CHN1: variants seen among roughly 807,000 people sequenced by gnomAD.
CHN1 encodes chimerin 1.
Under a neutral mutation model 59.5 loss-of-function variants are expected in CHN1, and 37 were observed. The ratio of observed to expected loss-of-function variants is 0.62; its 90% CI spans 0.48 to 0.82. The LOEUF (loss-of-function observed/expected upper bound fraction) is 0.82, where lower values mean the gene tolerates loss of function less well. CHN1 is among the 40% of genes least tolerant of loss of function. CHN1 has a pLI of 0.00. For missense variants in CHN1, 469 were observed against 571.0 expected (o/e 0.82, Z 1.82); for synonymous variants, 206 against 200.4 (o/e 1.03, Z -0.24).
chr2:175,001,415 C>G (rs530215151), intron 1 of CHN1, among the ~76,000 whole-genome samples: 1 of 152,150 alleles, frequency 6.6e-6, no homozygotes, highest in African/African-American at 2.4e-5. Context: ...TATGCCATTG[C>G]TATTTAATTG....
intron 11 of CHN1, among the ~76,000 whole-genome samples, chr2:174,802,473 G>C (rs1684757550): frequency 6.6e-6 from 1 of 152,184 alleles, no homozygotes; most frequent in South Asian, 2.1e-4. Context: ...GACTTTGAAG[G>C]CACTTCCAAA....
At chr2:174,975,655 C>CG (rs1434145869) in intron 1 of CHN1, among the ~76,000 whole-genome samples, 1 of 125,124 alleles carries the variant, frequency 8.0e-6, no homozygotes, top group African/African-American at 3.1e-5. Context: ...ACAAAACAAA[C>CG]AAAAAAAAAA....
chr2:174,920,606 C>T lies in CHN1; in HGVS notation c.115-2041G>A, dbSNP rs116658606. Among the ~76,000 whole-genome samples the T allele has an allele frequency of 5.7e-3, 875 of 152,222 alleles. 7 individuals carry two copies. Among genetic ancestry groups the T allele is most frequent in the African/African-American group, 0.016 (660 of 41,516 alleles). On this transcript the variant is annotated intron_variant, in intron 3 of 12. Transcript: ENST00000409900. ...CTTAGTTCTGCATACAGCTTGAGTG[C>T]CAATATCAAGTCTGATACTGTTTTC...
intron 1 of CHN1, among the ~76,000 whole-genome samples, chr2:174,999,578 C>A (rs1361441655): frequency 6.6e-6 from 1 of 152,036 alleles, no homozygotes; most frequent in African/African-American, 2.4e-5. Flanking sequence ...AAAGCATGAC[C>A]AAACAGTATT....
In CHN1 at chr2:174,898,583, G is replaced by A. The variant is rs550576193; in HGVS notation, c.260+16475C>T. 9.9e-5 allele frequency among the ~76,000 whole-genome samples: 15 copies of A among 152,262 alleles called. No individual in the cohort carries two copies. The East Asian group carries it at 1.7e-3, about 18-fold the overall frequency. On this transcript the variant is annotated intron_variant, in intron 5 of 12. Transcript: ENST00000409900. ...CGCGCCACTGCACTCCAGCCTGGGC[G>A]ACAGAGCGAGACTCCGTCTCAAAAA... is the stretch of plus-strand genomic sequence containing the variant.
intron 5 of CHN1, among the ~76,000 whole-genome samples, chr2:174,894,785 T>C (rs1291975977): frequency 2.6e-5 from 4 of 152,066 alleles, no homozygotes; most frequent in Non-Finnish European, 4.4e-5. Context: ...ATACATGGTT[T>C]CGTTTTCTGT....
chr2:174,992,605 T>C (rs2105464602), intron 1 of CHN1, among the ~76,000 whole-genome samples: 1 of 152,336 alleles, frequency 6.6e-6, no homozygotes. Flanking sequence ...GCACTTCCAG[T>C]TGATCAGAAG....
chr2:174,876,856 C>T (rs1687579666), intron 6 of CHN1, among the ~76,000 whole-genome samples: 1 of 152,172 alleles, frequency 6.6e-6, no homozygotes, highest in Admixed American at 6.5e-5. Context: ...ATCTCACTCA[C>T]TCCTCACAGC....
chr2:174,823,529 G>A (rs1305703981), intron 8 of CHN1, among the ~76,000 whole-genome samples: 1 of 152,062 alleles, frequency 6.6e-6, no homozygotes, highest in East Asian at 1.9e-4. Context: ...TGGGTGTGGT[G>A]GCGGGCACCT....
At chr2:174,849,958 T>C (rs1686674687) in intron 6 of CHN1, among the ~76,000 whole-genome samples, 2 of 152,190 alleles carry the variant, frequency 1.3e-5, no homozygotes, top group South Asian at 4.1e-4. Context: ...CTTCTTTCAA[T>C]TTTGAGGAGT....
At chr2:174,839,261 T>C (rs1450001574) in intron 7 of CHN1, among the ~76,000 whole-genome samples, 3 of 152,150 alleles carry the variant, frequency 2.0e-5, no homozygotes, top group African/African-American at 4.8e-5. Context: ...GAGGTGACTT[T>C]TAAAAATTGC....
chr2:174,878,131 G>T lies in CHN1; in HGVS notation c.261-3C>A, dbSNP rs1687628261. Reference sequence around the variant, plus strand: ...AGTTTCTGGTTTGACTTCCAAATCTGCCTCAATGAAATGGGAAAGATGTTT... The same window carrying T: ...AGTTTCTGGTTTGACTTCCAAATCTTCCTCAATGAAATGGGAAAGATGTTT... On this transcript the variant is annotated splice_region_variant and splice_polypyrimidine_tract_variant and intron_variant, in intron 5 of 12. Coordinates refer to ENST00000409900, the MANE Select transcript of CHN1 (RefSeq NM_001822.7). 4.0e-6 allele frequency: 6 copies of T among 1,510,264 alleles called. No individual in the cohort carries two copies. Among genetic ancestry groups the T allele is most frequent in the Non-Finnish European group, 5.3e-6 (6 of 1,122,562 alleles). 93.6% of individuals were successfully genotyped at this position (1,510,264 alleles called of 1,614,324 possible).
intron 3 of CHN1, among the ~76,000 whole-genome samples, chr2:174,919,338 C>G (rs937597965): frequency 5.3e-5 from 8 of 152,038 alleles, no homozygotes; most frequent in Non-Finnish European, 1.0e-4. Context: ...AGCTGAGGTA[C>G]TTATTAAGCT....
intron 5 of CHN1, 59 bp from the exon 6 acceptor site, chr2:174,878,187 G>T (rs376958638): frequency 7.6e-7 from 1 of 1,310,390 alleles, no homozygotes; most frequent in Non-Finnish European, 1.0e-6. Context: ...AATTCTTTCT[G>T]AAAAAAAAAC....
chr2:174,885,009 C>T (rs767404653), intron 5 of CHN1, among the ~76,000 whole-genome samples: 5 of 151,890 alleles, frequency 3.3e-5, no homozygotes, highest in South Asian at 2.1e-4. Context: ...AGAAATTAGC[C>T]GGGCGCGGTG....
intron 11 of CHN1, among the ~76,000 whole-genome samples, chr2:174,808,295 T>C (rs1484458615): frequency 6.6e-6 from 1 of 152,234 alleles, no homozygotes; most frequent in Non-Finnish European, 1.5e-5. Flanking sequence ...TTTTGTTTTA[T>C]TTCTTGAGAC....
chr2:174,950,786 T>G (rs1376347929), intron 2 of CHN1, among the ~76,000 whole-genome samples: 5 of 150,280 alleles, frequency 3.3e-5, no homozygotes, highest in Non-Finnish European at 5.9e-5. Context: ...AGTTTTTTTT[T>G]TTTTTTTTTT....
At chr2:174,982,738 G>A (rs1031066546) in intron 1 of CHN1, among the ~76,000 whole-genome samples, 11 of 152,054 alleles carry the variant, frequency 7.2e-5, no homozygotes, top group Non-Finnish European at 1.5e-4. Flanking sequence ...TTTTCTGTAA[G>A]CAAGAGCACA....
At chr2:174,905,961 A>C (rs10172654) in intron 5 of CHN1, among the ~76,000 whole-genome samples, 9,127 of 152,224 alleles carry the variant, frequency 0.06, 453 homozygotes, top group African/African-American at 0.14. Context: ...ATTCAAAGAG[A>C]TATAACAAGT....
Sources: gnomAD v4.1 joint callset for allele counts (sites outside exome capture counted in the v4.1 genomes callset) on GRCh38, gnomAD v4.1.1 for gene constraint, MANE v1.5 for transcripts, NCBI Gene and HGNC (gene_info 2026-07-23, HGNC 2026-07-21) for gene names.